The following AACS variants were observed in gnomAD, a reference collection of about 807,000 sequenced individuals.
The protein encoded by AACS is acetoacetate-CoA ligase.
A neutral mutation model predicts 83.1 loss-of-function variants in AACS; 69 were observed. The ratio of observed to expected loss-of-function variants is 0.83; its 90% confidence interval spans 0.68 to 1.01. The LOEUF (loss-of-function observed/expected upper bound fraction) is 1.01, where lower values mean the gene tolerates loss of function less well. Ranked by LOEUF, AACS falls within the 50% of genes least tolerant of loss-of-function variation. The pLI is 0.00. For missense variants in AACS, 866 were observed against 882.2 expected (o/e 0.98, Z 0.23); for synonymous variants, 333 against 343.4 (o/e 0.97, Z 0.33).
At chr12:125,091,310 C>G (rs1956480028) in intron 4 of AACS, 116 bp from the exon 5 acceptor site, 1 of 976,140 alleles carries the variant, frequency 1.0e-6, no homozygotes, top group Non-Finnish European at 1.6e-6. Flanking sequence ...GATCCTCAGG[C>G]AGTTCAAGGC....
intron 3 of AACS, among the ~76,000 whole-genome samples, chr12:125,077,194 A>C (rs1956045932): frequency 6.6e-6 from 1 of 151,196 alleles, no homozygotes; most frequent in African/African-American, 2.4e-5. Context: ...GGGATTTCAG[A>C]CATGAGCCAC....
At chr12:125,114,828 C>T (rs978964773) in intron 9 of AACS, among the ~76,000 whole-genome samples, 3 of 151,152 alleles carry the variant, frequency 2.0e-5, no homozygotes, top group African/African-American at 7.3e-5. Context: ...AAGGGCTTCC[C>T]CGGGCGCCGG....
chr12:125,094,488 G>A lies in AACS; in HGVS notation c.570+2965G>A, dbSNP rs1363758991. Among the ~76,000 whole-genome samples the A allele has an allele frequency of 6.6e-6, 1 of 152,152 alleles. No individual in the cohort carries two copies. The highest frequency in any genetic ancestry group is 1.5e-5 in the Non-Finnish European group (1 of 68,032). ...CACGCCTGTCCACTGAGAGCTCCTC[G>A]GCTGGCTGTGCTGGGTGCTGAAGGG... On this transcript the variant is annotated intron_variant, in intron 5 of 17. Coordinates refer to ENST00000316519, the MANE Select transcript of AACS (RefSeq NM_023928.5). The surrounding 1 kb of genome is among the most constrained non-coding windows in gnomAD (Gnocchi z 4.1).
intron 5 of AACS, among the ~76,000 whole-genome samples, chr12:125,093,624 C>T (rs1006899817): frequency 1.3e-5 from 2 of 152,224 alleles, no homozygotes. Context: ...AGCTGCTGGG[C>T]GCACTAGATG....
In AACS at chr12:125,140,356, C is replaced by A. The variant is rs1957464942; in HGVS notation, c.1882-1736C>A. On this transcript the variant is annotated intron_variant, in intron 17 of 17. Transcript: ENST00000316519. This position sits in a 1 kb window ranked among gnomAD's most constrained non-coding sequence, Gnocchi z 5.1. ...CCCAGAGGAAATGGTAGCAGGATTT[C>A]TTTTAAGAGGATGCTGCTGTATTTT... 6.6e-6 allele frequency: 1 copy of A among 152,192 alleles called. No homozygotes were observed. The highest frequency in any genetic ancestry group is 6.5e-5 in the Admixed American group (1 of 15,280). The allele number at this position is 152,192 out of a possible 1,614,324, so 9.4% of individuals were successfully genotyped here. A position where few individuals can be genotyped will look rare whatever the true frequency, so the allele number is the denominator to read the frequency against.
chr12:125,077,063 A>G (rs775479472), intron 3 of AACS, among the ~76,000 whole-genome samples: 94 of 144,424 alleles, frequency 6.5e-4, no homozygotes, highest in Admixed American at 3.6e-3. Context: ...ACACACCACT[A>G]TGCATGGCTG....
chr12:125,120,147 C>G (rs187102019), intron 10 of AACS: 1 of 152,178 alleles, frequency 6.6e-6, no homozygotes, highest in Non-Finnish European at 1.5e-5. Context: ...CCTGCTCCCC[C>G]CCGACCCCAA....
intron 10 of AACS, chr12:125,122,474 A>G (rs1957168627): frequency 6.6e-6 from 1 of 151,948 alleles, no homozygotes; most frequent in Non-Finnish European, 1.5e-5. Context: ...TCTCTACTAA[A>G]AATACAAAAA....
rs142991351 is a variant in AACS, at chr12:125,083,543, CG to C, written c.359-2786del. Among the ~76,000 whole-genome samples, 1,013 of 151,558 alleles carry C rather than the reference CG, an allele frequency of 6.7e-3. 10 individuals carry two copies. The highest frequency in any genetic ancestry group is 0.023 in the African/African-American group (933 of 41,294). ...ATTTCTTTGATAACGGGTGGTTGAT[CG>C]TTTTTTTTTTAATTTTTTTCTGTAC... On this transcript the variant is annotated intron_variant, in intron 3 of 17. Coordinates refer to ENST00000316519, the MANE Select transcript of AACS (RefSeq NM_023928.5).
intron 3 of AACS, 124 bp downstream of exon 3, chr12:125,076,735 T>C (rs1160943899): frequency 6.9e-7 from 1 of 1,443,272 alleles, no homozygotes; most frequent in East Asian, 2.3e-5. Flanking sequence ...TCTGATGTAA[T>C]TAAGATTTCT....
At chr12:125,106,576 T>C (rs1401476370) in intron 7 of AACS, among the ~76,000 whole-genome samples, 2 of 152,204 alleles carry the variant, frequency 1.3e-5, no homozygotes, top group Non-Finnish European at 2.9e-5. Flanking sequence ...ACCCCACATC[T>C]GTAGGAAGGG....
chr12:125,106,971 C>T, intron 7 of AACS, 150 bp from the exon 8 acceptor site: 1 of 1,074,480 alleles, frequency 9.3e-7, no homozygotes, highest in Non-Finnish European at 1.3e-6. Flanking sequence ...CTCCCCTGGT[C>T]CCAGGAAGTT....
In AACS at chr12:125,128,219, AG is replaced by A. The variant is rs1218267039; in HGVS notation, c.1372del (p.Glu458ArgfsTer126). 2 of 1,613,326 alleles carry A rather than the reference AG, an allele frequency of 1.2e-6. No individual in the cohort carries two copies. The highest frequency in any genetic ancestry group is 1.7e-6 in the Non-Finnish European group (2 of 1,179,448). ...GHNFSLPVYK[G>X]EIQARNLGMA... ...ACAATTTTTCTCTTCCTGTGTATAAAGGGGAGATTCAGGCCCGGAACCTGGG... is the reference window on the plus strand; with the variant it reads ...ACAATTTTTCTCTTCCTGTGTATAAAGGGAGATTCAGGCCCGGAACCTGGG... On this transcript the variant is annotated frameshift_variant, in exon 13 of 18. Coordinates refer to ENST00000316519, the MANE Select transcript of AACS (RefSeq NM_023928.5). LOFTEE classifies it high-confidence loss of function.
chr12:125,137,626 C>T (rs904145040), intron 17 of AACS, among the ~76,000 whole-genome samples: 6 of 152,204 alleles, frequency 3.9e-5, no homozygotes, highest in Non-Finnish European at 7.3e-5. Context: ...GGCCCCAGTA[C>T]GCTCTGCTTT....
intron 4 of AACS, among the ~76,000 whole-genome samples, chr12:125,088,935 T>C (rs1308237970): frequency 6.6e-6 from 1 of 152,142 alleles, no homozygotes; most frequent in East Asian, 1.9e-4. Context: ...TAAAATGGGG[T>C]TGGATGCTTT....
chr12:125,092,045 A>G (rs1956497858), intron 5 of AACS, among the ~76,000 whole-genome samples: 1 of 152,198 alleles, frequency 6.6e-6, no homozygotes, highest in South Asian at 2.1e-4. Flanking sequence ...AGCTGCCCAG[A>G]GTGGCCCAGG....
intron 16 of AACS, among the ~76,000 whole-genome samples, chr12:125,135,516 C>T (rs995139861): frequency 7.9e-5 from 12 of 152,206 alleles, no homozygotes; most frequent in African/African-American, 2.9e-4. Flanking sequence ...GTGGATCTCA[C>T]AACTGTACAG....
At chr12:125,098,570 G>A (rs1956660105) in intron 5 of AACS, among the ~76,000 whole-genome samples, 1 of 151,700 alleles carries the variant, frequency 6.6e-6, no homozygotes, top group Admixed American at 6.6e-5. Flanking sequence ...TCCTGCCTCA[G>A]CCTTCCAAGT....
At chr12:125,098,118 T>C (rs1360753164) in intron 5 of AACS, among the ~76,000 whole-genome samples, 1 of 152,204 alleles carries the variant, frequency 6.6e-6, no homozygotes, top group Admixed American at 6.5e-5. Flanking sequence ...TTTGTTTCTG[T>C]CTCTCTCCCA....
Sources: gnomAD v4.1 joint callset for allele counts (sites outside exome capture counted in the v4.1 genomes callset) on GRCh38, gnomAD v4.1.1 for gene constraint, Gnocchi (gnomAD v3.1) non-coding constraint, MANE v1.5 for transcripts, NCBI Gene and HGNC (gene_info 2026-07-23, HGNC 2026-07-21) for gene names.